Variants in HTR2C observed in about 807,000 individuals in gnomAD.
HTR2C encodes the protein 5-hydroxytryptamine (serotonin) receptor 2C, G protein-coupled.
Under a neutral mutation model 21.0 loss-of-function variants are expected in HTR2C, and 5 were observed. The observed-to-expected ratio is 0.24, with a 90% CI of 0.12 to 0.50. The LOEUF (loss-of-function observed/expected upper bound fraction) is 0.50. Ranked by LOEUF, HTR2C falls within the 20% of genes least tolerant of loss-of-function variation. HTR2C has a pLI of 0.98. For missense variants in HTR2C, 271 were observed against 371.2 expected (o/e 0.73, Z 2.22); for synonymous variants, 150 against 145.3 (o/e 1.03, Z -0.23).
chrX:114,719,754 A>C (rs1236124024), intron 2 of HTR2C, among the ~76,000 whole-genome samples: 2 of 111,613 alleles, frequency 1.8e-5, no homozygotes, highest in African/African-American at 6.5e-5. Context: ...TTTCTCAGGA[A>C]TATACATGTA....
intron 1 of HTR2C, among the ~76,000 whole-genome samples, chrX:114,601,121 C>A: frequency 8.9e-6 from 1 of 112,033 alleles, no homozygotes; most frequent in Non-Finnish European, 1.9e-5. Flanking sequence ...GTTTTTTACT[C>A]ATTTCTGAAT....
intron 4 of HTR2C, among the ~76,000 whole-genome samples, chrX:114,764,923 CT>C (rs1314143456): frequency 2.4e-4 from 6 of 25,495 alleles, no homozygotes; most frequent in African/African-American, 5.8e-4. Flanking sequence ...TTCTTTCTTT[CT>C]TTTCCTTCCT....
chrX:114,806,235 A>C (rs1362048021), intron 4 of HTR2C, among the ~76,000 whole-genome samples: 1 of 99,540 alleles, frequency 1.0e-5, no homozygotes, highest in Non-Finnish European at 2.0e-5. Flanking sequence ...TATATATACC[A>C]TATATATACC....
intron 5 of HTR2C, among the ~76,000 whole-genome samples, chrX:114,888,035 A>T (rs980994983): frequency 4.5e-5 from 5 of 111,503 alleles, no homozygotes; most frequent in African/African-American, 1.6e-4. Flanking sequence ...AATAAATAAA[A>T]GCCAGCTGTT....
At chrX:114,798,788 T>A (rs1556446019) in intron 4 of HTR2C, among the ~76,000 whole-genome samples, 2 of 111,584 alleles carry the variant, frequency 1.8e-5, no homozygotes, top group Admixed American at 9.6e-5. Flanking sequence ...CAACACATTA[T>A]CTTAGCACTG....
intron 4 of HTR2C, among the ~76,000 whole-genome samples, chrX:114,772,931 C>T (rs2070020515): frequency 9.0e-6 from 1 of 111,444 alleles, no homozygotes; most frequent in Non-Finnish European, 1.9e-5. Context: ...GAAGTCCTAG[C>T]TTCAATTTCC....
chrX:114,659,040 A>G (rs1459541167), intron 2 of HTR2C, among the ~76,000 whole-genome samples: 4 of 111,391 alleles, frequency 3.6e-5, no homozygotes, highest in Non-Finnish European at 7.5e-5. Flanking sequence ...GAAACTTACA[A>G]TCATGGTGGA....
chrX:114,805,846 T>TATATACACC (rs1569495619), intron 4 of HTR2C, among the ~76,000 whole-genome samples: 1 of 41,170 alleles, frequency 2.4e-5, no homozygotes, highest in Non-Finnish European at 4.7e-5. Flanking sequence ...ATATATACCA[T>TATATACACC]ATATATACCA....
intron 5 of HTR2C, among the ~76,000 whole-genome samples, chrX:114,871,807 G>GT (rs35528456): frequency 0.088 from 8,577 of 97,383 alleles, 1,048 homozygotes; most frequent in African/African-American, 0.3. Flanking sequence ...TTAGTGGAAA[G>GT]TTTTTTTTTT....
intron 1 of HTR2C, among the ~76,000 whole-genome samples, chrX:114,603,866 G>A (rs1331196629): frequency 9.7e-6 from 1 of 102,685 alleles, no homozygotes; most frequent in Non-Finnish European, 2.0e-5. Context: ...GGGGTGGATA[G>A]GCAAAACAAT....
At chrX:114,902,433 T>C (rs1456627965) in intron 5 of HTR2C, among the ~76,000 whole-genome samples, 3 of 111,229 alleles carry the variant, frequency 2.7e-5, no homozygotes, top group African/African-American at 9.8e-5. Flanking sequence ...ATATTTATGG[T>C]ATTAGAAATT....
intron 2 of HTR2C, chrX:114,651,414 A>C (rs1556408474): frequency 8.1e-6 from 1 of 123,579 alleles, no homozygotes. Context: ...TTGTCTCTTC[A>C]AGCTTTAAAA....
intron 2 of HTR2C, among the ~76,000 whole-genome samples, chrX:114,628,881 A>G (rs950086298): frequency 8.9e-6 from 1 of 112,164 alleles, no homozygotes; most frequent in African/African-American, 3.2e-5. Flanking sequence ...TCATACTTAC[A>G]TATAAAACAA....
At chrX:114,722,309 G>C (rs1933252115) in intron 2 of HTR2C, among the ~76,000 whole-genome samples, 1 of 110,750 alleles carries the variant, frequency 9.0e-6, no homozygotes, top group Non-Finnish European at 1.9e-5. Context: ...TTATGATTTG[G>C]CTCTCTGTCT....
chrX:114,747,160 A>G (rs1441844486), intron 4 of HTR2C, among the ~76,000 whole-genome samples: 1 of 111,968 alleles, frequency 8.9e-6, no homozygotes, highest in Admixed American at 9.5e-5. Context: ...GGATGACAGA[A>G]CGAGACCCTG....
At chrX:114,607,889 G>A (rs1556397541) in intron 1 of HTR2C, among the ~76,000 whole-genome samples, 1 of 110,859 alleles carries the variant, frequency 9.0e-6, no homozygotes, top group Non-Finnish European at 1.9e-5. Flanking sequence ...TCAGGAGGCT[G>A]AGGCAGGAGA....
At chrX:114,622,724 G>T (rs1929213285) in intron 2 of HTR2C, among the ~76,000 whole-genome samples, 1 of 112,063 alleles carries the variant, frequency 8.9e-6, no homozygotes, top group African/African-American at 3.2e-5. Flanking sequence ...CAATACATCT[G>T]CCAGTAGATG....
chrX:114,901,080 T>G (rs181058757), intron 5 of HTR2C, among the ~76,000 whole-genome samples: 1 of 112,450 alleles, frequency 8.9e-6, no homozygotes. Flanking sequence ...CAATGACAAC[T>G]ATCTAATGAC....
At chrX:114,664,614 C>G (rs1444073688) in intron 2 of HTR2C, among the ~76,000 whole-genome samples, 1 of 112,124 alleles carries the variant, frequency 8.9e-6, no homozygotes, top group Non-Finnish European at 1.9e-5. Flanking sequence ...TTTATCTAGT[C>G]TATCATTGAC....
Sources: allele counts gnomAD v4.1 joint callset (sites outside exome capture counted in the v4.1 genomes callset), GRCh38; gene constraint gnomAD v4.1.1; transcripts MANE v1.5; gene names NCBI Gene and HGNC (gene_info 2026-07-23, HGNC 2026-07-21).